Variants in SUCLG2 observed in about 807,000 individuals in gnomAD.
SUCLG2 encodes the protein succinate-CoA ligase GDP-forming subunit beta.
A neutral mutation model predicts 47.9 loss-of-function variants in SUCLG2; 42 were observed. The observed-to-expected ratio is 0.88, with a 90% CI of 0.69 to 1.14. SUCLG2 has a LOEUF of 1.14. Ranked by LOEUF, SUCLG2 falls within the 50% of genes most tolerant of loss-of-function variation. The pLI is 0.00. For synonymous variants in SUCLG2, 195 were observed against 197.3 expected (o/e 0.99, Z 0.10); for missense variants, 571 against 525.9 (o/e 1.09, Z -0.84).
chr3:67,436,148 A>C (rs1703615299), intron 9 of SUCLG2, among the ~76,000 whole-genome samples: 1 of 152,230 alleles, frequency 6.6e-6, no homozygotes, highest in Admixed American at 6.5e-5. Flanking sequence ...TAAGAACCAA[A>C]GGCTCAAAAG....
chr3:67,560,911 T>C (rs1211064980), intron 2 of SUCLG2, among the ~76,000 whole-genome samples: 1 of 150,852 alleles, frequency 6.6e-6, no homozygotes, highest in African/African-American at 2.4e-5. Context: ...TAAGCTCCCC[T>C]CCCAACTCCA....
chr3:67,396,887 T>C (rs921382184), intron 10 of SUCLG2, among the ~76,000 whole-genome samples: 1 of 152,190 alleles, frequency 6.6e-6, no homozygotes, highest in South Asian at 2.1e-4. Context: ...TAAATAAATG[T>C]AATCCAGCAT....
At chr3:67,501,882 A>T (rs879604458) in intron 7 of SUCLG2, among the ~76,000 whole-genome samples, 3 of 152,108 alleles carry the variant, frequency 2.0e-5, no homozygotes, top group Admixed American at 6.5e-5. Flanking sequence ...CCTTTGTATC[A>T]TTTAAAATAT....
intron 9 of SUCLG2, among the ~76,000 whole-genome samples, chr3:67,460,612 C>G (rs1014471041): frequency 1.3e-5 from 2 of 152,104 alleles, no homozygotes; most frequent in Non-Finnish European, 2.9e-5. Context: ...CATTTTACAG[C>G]TGAGGAAACT....
chr3:67,602,427 C>T (rs544889172), intron 2 of SUCLG2, among the ~76,000 whole-genome samples: 6 of 152,254 alleles, frequency 3.9e-5, no homozygotes, highest in African/African-American at 1.4e-4. Context: ...CTTGATCTCG[C>T]CCTTCACTCT....
At chr3:67,612,551 G>A (rs1356071666) in intron 1 of SUCLG2, among the ~76,000 whole-genome samples, 1 of 152,176 alleles carries the variant, frequency 6.6e-6, no homozygotes, top group Admixed American at 6.5e-5. Context: ...GAGCACTTAT[G>A]AGCTAGGCAT....
Position 67,385,058 on chromosome 3 carries a change from A to C in SUCLG2, c.1184-9199T>G, listed in dbSNP as rs1315324312. Among the ~76,000 whole-genome samples the C allele has an allele frequency of 3.3e-5, 5 of 152,324 alleles. No individual in the cohort carries two copies. In the East Asian group the frequency reaches 7.7e-4, roughly 24 times the overall value. On this transcript the variant is annotated intron_variant, in intron 10 of 10. Coordinates refer to ENST00000307227, the MANE Select transcript of SUCLG2 (RefSeq NM_003848.4). ...CACCTGTAAGTCTCGTCCTGATAGCAATGTGCTCGCTCGCTCTTTTTGATG... is the reference window on the plus strand; with the variant it reads ...CACCTGTAAGTCTCGTCCTGATAGCCATGTGCTCGCTCGCTCTTTTTGATG...
chr3:67,509,830 G>A (rs919547226), intron 6 of SUCLG2, among the ~76,000 whole-genome samples: 1 of 152,182 alleles, frequency 6.6e-6, no homozygotes, highest in African/African-American at 2.4e-5. Flanking sequence ...ACTTGCAGCA[G>A]ATCCGTTTTC....
At chr3:67,561,442 C>A (rs568186656) in intron 2 of SUCLG2, among the ~76,000 whole-genome samples, 1 of 152,238 alleles carries the variant, frequency 6.6e-6, no homozygotes, top group East Asian at 1.9e-4. Flanking sequence ...AAGTTCCCAA[C>A]AACTATTTAA....
intron 2 of SUCLG2, among the ~76,000 whole-genome samples, chr3:67,592,900 G>T (rs1355476101): frequency 6.6e-6 from 1 of 152,104 alleles, no homozygotes; most frequent in African/African-American, 2.4e-5. Flanking sequence ...GTTAGGCCTT[G>T]ACAAATCAAA....
chr3:67,544,684 G>A (rs565258556), intron 2 of SUCLG2, among the ~76,000 whole-genome samples: 20 of 152,286 alleles, frequency 1.3e-4, no homozygotes, highest in African/African-American at 4.8e-4. Context: ...GATGGGACTG[G>A]AGAGCAAGGA....
intron 1 of SUCLG2, among the ~76,000 whole-genome samples, chr3:67,631,484 C>T (rs1700924943): frequency 6.6e-6 from 1 of 151,940 alleles, no homozygotes; most frequent in African/African-American, 2.4e-5. Flanking sequence ...AAAAAGTAGC[C>T]GGGCGTGGTG....
intron 1 of SUCLG2, among the ~76,000 whole-genome samples, chr3:67,614,344 T>C (rs1700586253): frequency 6.6e-6 from 1 of 151,868 alleles, no homozygotes; most frequent in African/African-American, 2.4e-5. Context: ...CAGCATCTCC[T>C]CTGAAGCTCC....
chr3:67,554,308 G>A (rs978584455), intron 2 of SUCLG2, among the ~76,000 whole-genome samples: 3 of 152,190 alleles, frequency 2.0e-5, no homozygotes, highest in Non-Finnish European at 4.4e-5. Context: ...ACTTAACCAT[G>A]TGAATGTTGT....
chr3:67,481,930 G>A (rs1373714533), intron 9 of SUCLG2, among the ~76,000 whole-genome samples: 1 of 152,216 alleles, frequency 6.6e-6, no homozygotes, highest in Non-Finnish European at 1.5e-5. Context: ...TGTAATCCCA[G>A]CACTTTGTGA....
At chr3:67,417,105 A>C (rs1703055215) in intron 9 of SUCLG2, among the ~76,000 whole-genome samples, 1 of 152,146 alleles carries the variant, frequency 6.6e-6, no homozygotes, top group African/African-American at 2.4e-5. Context: ...TCATGAAAAA[A>C]AAGAGCAAAG....
At chr3:67,378,972 A>T (rs1242481389) in intron 10 of SUCLG2, among the ~76,000 whole-genome samples, 1 of 152,162 alleles carries the variant, frequency 6.6e-6, no homozygotes, top group African/African-American at 2.4e-5. Context: ...TTTTAGACAG[A>T]GTCTTGCTCT....
chr3:67,511,268 C>T (rs1222691313), intron 6 of SUCLG2, among the ~76,000 whole-genome samples: 1 of 152,182 alleles, frequency 6.6e-6, no homozygotes, highest in Admixed American at 6.5e-5. Context: ...TTCCAATTCA[C>T]AATCATTAGC....
chr3:67,526,715 G>GGCT (rs1706266588), intron 4 of SUCLG2, among the ~76,000 whole-genome samples: 1 of 152,180 alleles, frequency 6.6e-6, no homozygotes, highest in Admixed American at 6.5e-5. Context: ...CTAGAATGTG[G>GGCT]AGAACCCTGA....
Sources: gnomAD v4.1 joint callset for allele counts (sites outside exome capture counted in the v4.1 genomes callset) on GRCh38, gnomAD v4.1.1 for gene constraint, MANE v1.5 for transcripts, NCBI Gene and HGNC (gene_info 2026-07-23, HGNC 2026-07-21) for gene names.